Variants in EP400 observed in about 807,000 individuals in gnomAD.
EP400 encodes the protein E1A binding protein p400.
EP400 carries 105 observed loss-of-function variants against 354.1 expected under a neutral mutation model. The ratio of observed to expected loss-of-function variants is 0.30; its 90% CI spans 0.25 to 0.35. The LOEUF (loss-of-function observed/expected upper bound fraction) is 0.35. Among genes scored for constraint, EP400 ranks in the 10% least tolerant of loss-of-function variants. EP400 has a pLI of 1.00. For missense variants in EP400, 3,280 were observed against 4,121.0 expected (o/e 0.80, Z 5.59); for synonymous variants, 1,646 against 1,716.9 (o/e 0.96, Z 1.02).
intron 1 of EP400, among the ~76,000 whole-genome samples, chr12:131,950,590 G>A (rs1467441749): frequency 2.6e-5 from 4 of 152,136 alleles, no homozygotes; most frequent in East Asian, 1.9e-4. Flanking sequence ...AGTGAGGTCC[G>A]AATCCGCTCC....
chr12:132,009,818 C>T (rs1464615799), intron 15 of EP400, among the ~76,000 whole-genome samples: 2 of 150,508 alleles, frequency 1.3e-5, no homozygotes, highest in Non-Finnish European at 3.0e-5. Context: ...TGTATGCCAC[C>T]ACGCCTGGCT....
rs1420629467 is a variant in EP400 at position 132,032,139 on chromosome 12, C to G, written c.5941C>G (p.His1981Asp). The change falls in exon 30 of 53, where the codon CAC becomes GAC. Residue 1981 changes from histidine to aspartate, a missense_variant. Around this residue, in one of 20 missense-constraint regions of EP400, gnomAD observed 459 missense variants for 496.9 expected, o/e 0.92. Coordinates refer to ENST00000389561, the MANE Select transcript of EP400 (RefSeq NM_015409.5). ...TAGGATCGGGAGATGCAAAGACATC[C>G]ACATATACAGGTGAGGGCCTGCGGG... The part of the protein sequence containing the change: ...CDRIGRCKDI[H>D]IYRLVSGNSI... 6.2e-7 allele frequency: 1 copy of G among 1,613,030 alleles called. No individual in the cohort carries two copies. Among genetic ancestry groups the G allele is most frequent in the South Asian group, 1.1e-5 (1 of 90,888 alleles).
At chr12:132,048,576 G>A (rs1256037396) in intron 39 of EP400, among the ~76,000 whole-genome samples, 2 of 148,718 alleles carry the variant, frequency 1.3e-5, no homozygotes, top group Non-Finnish European at 3.0e-5. Context: ...AGGCTGGAGT[G>A]CAGTGGCACG....
chr12:132,069,278 G>C (rs1233308946), intron 50 of EP400: 1 of 583,072 alleles, frequency 1.7e-6, no homozygotes, highest in Admixed American at 3.3e-5. Flanking sequence ...GCCTCCTGGA[G>C]GAGAAGCTGG....
intron 1 of EP400, among the ~76,000 whole-genome samples, chr12:131,952,317 A>G (rs1038045678): frequency 1.3e-5 from 2 of 149,004 alleles, no homozygotes; most frequent in East Asian, 2.1e-4. Context: ...AAAAAAAAAA[A>G]AAAAAAAAGA....
intron 45 of EP400, among the ~76,000 whole-genome samples, chr12:132,060,159 C>G (rs1895645488): frequency 1.3e-5 from 2 of 151,938 alleles, no homozygotes; most frequent in South Asian, 4.1e-4. Flanking sequence ...CTGGGGGAAA[C>G]AACCCAAACT....
intron 19 of EP400, among the ~76,000 whole-genome samples, chr12:132,014,919 C>T (rs146294326): frequency 3.9e-5 from 6 of 152,302 alleles, no homozygotes; most frequent in Admixed American, 6.5e-5. Flanking sequence ...CCACACCCCA[C>T]CCCCCGTCCT....
At chr12:132,043,165 G>A (rs1469738674) in intron 32 of EP400, 139 bp from the exon 33 acceptor site, 2 of 860,642 alleles carry the variant, frequency 2.3e-6, no homozygotes, top group African/African-American at 3.5e-5. Context: ...AGGACCTCAG[G>A]GAAGGAGTGG....
chr12:132,047,114 G>C (rs1276984032), intron 39 of EP400, among the ~76,000 whole-genome samples: 1 of 152,158 alleles, frequency 6.6e-6, no homozygotes, highest in Admixed American at 6.5e-5. Context: ...ATTTATTTCT[G>C]TACCCACTCT....
chr12:132,053,282 C>T (rs1164086056), intron 42 of EP400, 58 bp downstream of exon 42: 6 of 1,609,268 alleles, frequency 3.7e-6, no homozygotes, highest in Admixed American at 3.3e-5. Flanking sequence ...TGACTTCATC[C>T]AGGGGGTATG....
intron 5 of EP400, among the ~76,000 whole-genome samples, chr12:131,983,345 A>C (rs2136493505): frequency 6.6e-6 from 1 of 152,352 alleles, no homozygotes; most frequent in East Asian, 1.9e-4. Context: ...ATCCAGCTTG[A>C]TACACATGTG....
At chr12:131,981,727 TAC>T in intron 4 of EP400, 131 bp downstream of exon 4, 1 of 723,126 alleles carries the variant, frequency 1.4e-6, no homozygotes, top group Non-Finnish European at 2.3e-6. Flanking sequence ...GAAATTGAGA[TAC>T]TTCTCTGAGT....
At chr12:132,053,748 C>A in intron 43 of EP400, 151 bp downstream of exon 43, 1 of 918,008 alleles carries the variant, frequency 1.1e-6, no homozygotes, top group African/African-American at 1.7e-5. Flanking sequence ...TGGGAAAAGG[C>A]TTAGTCTCAT....
At position 132,006,885 on chromosome 12, in the gene EP400, T is replaced by C. The variant is rs922263883; in HGVS notation, c.3304+8T>C. On this transcript the variant is annotated splice_region_variant and intron_variant, in intron 15 of 52. Transcript: ENST00000389561. ...ACCTAGCTTGTAACGAAGGTAAGAGTTTGCTAGTTTTTTTAACAATACCTA... is the reference window on the plus strand; with the variant it reads ...ACCTAGCTTGTAACGAAGGTAAGAGCTTGCTAGTTTTTTTAACAATACCTA... 1.2e-6 allele frequency: 2 copies of C among 1,613,274 alleles called. No homozygotes were observed. The highest frequency in any genetic ancestry group is 2.2e-5 in the East Asian group (1 of 44,844).
chr12:131,969,098 T>C (rs1041288101), intron 2 of EP400, among the ~76,000 whole-genome samples: 1 of 152,026 alleles, frequency 6.6e-6, no homozygotes, highest in African/African-American at 2.4e-5. Flanking sequence ...TCCTTCCTGA[T>C]CTAGGGGGAA....
Position 132,029,815 on chromosome 12 carries a change from C to A in EP400, c.5496C>A (p.His1832Gln), listed in dbSNP as rs199678738. 5.6e-5 allele frequency: 91 copies of A among 1,613,502 alleles called. No individual in the cohort carries two copies. The highest frequency in any genetic ancestry group is 7.4e-5 in the Non-Finnish European group (87 of 1,180,044). The change falls in exon 28 of 53, where the codon CAC (histidine) becomes CAA (glutamine). Residue 1832 changes from histidine to glutamine, a missense_variant. Transcript: ENST00000389561. The surrounding 1 kb of genome is among the most constrained non-coding windows in gnomAD (Gnocchi z 4.7). ...MRILRQGLRE[H>Q]AAPYFQQLRQ... is the part of the protein sequence containing the mutation. The stretch of plus-strand genomic sequence containing the variant: ...TCTTGAGGCAGGGCCTGAGAGAGCA[C>A]GCTGCGCCGTACTTCCAGCAGCTGC...
chr12:132,076,121 C>T (rs1258279572), intron 51 of EP400: 2 of 336,728 alleles, frequency 5.9e-6, no homozygotes, highest in Non-Finnish European at 1.2e-5. Flanking sequence ...CCTAGCTGCA[C>T]TGTACAGCTC....
chr12:131,960,531 A>G, intron 1 of EP400, 54 bp from the exon 2 acceptor site: 1 of 1,459,738 alleles, frequency 6.9e-7, no homozygotes, highest in Non-Finnish European at 9.2e-7. Flanking sequence ...GTTAAGTGTC[A>G]ATAAAACAGT....
chr12:131,975,096 C>A (rs1389521741), intron 2 of EP400, among the ~76,000 whole-genome samples: 1 of 151,848 alleles, frequency 6.6e-6, no homozygotes, highest in Non-Finnish European at 1.5e-5. Context: ...GCTGAGTGTG[C>A]CGTGCCTGGA....
Sources: allele counts gnomAD v4.1 joint callset (sites outside exome capture counted in the v4.1 genomes callset), GRCh38; gene constraint gnomAD v4.1.1; regional missense constraint gnomAD v4.1.1; non-coding constraint Gnocchi (gnomAD v3.1); transcripts MANE v1.5; gene names NCBI Gene and HGNC (gene_info 2026-07-23, HGNC 2026-07-21).